The following STAT1 variants were observed in gnomAD, a reference collection of about 807,000 sequenced individuals.
STAT1 encodes the protein signal transducer and activator of transcription 1-alpha/beta.
In STAT1, 24 loss-of-function variants were observed where a neutral mutation model predicts 111.7. The observed-to-expected ratio is 0.21, with a 90% CI of 0.16 to 0.30. The LOEUF is 0.30. Among genes scored for constraint, STAT1 ranks in the 10% least tolerant of loss-of-function variants. The probability of loss-of-function intolerance (pLI) is 1.00; values close to 1 mark genes in which losing one functional copy is unlikely to be tolerated. For synonymous variants in STAT1, 332 were observed against 326.5 expected (o/e 1.02, Z -0.18); for missense variants, 351 against 911.9 (o/e 0.38, Z 7.92).
In STAT1 at chr2:190,979,175, C is replaced by T. The variant is rs1202029503; in HGVS notation, c.1728-174G>A. Among the ~76,000 whole-genome samples the T allele has an allele frequency of 1.3e-5, 2 of 152,172 alleles. No homozygotes were observed. The highest frequency in any genetic ancestry group is 4.1e-4 in the South Asian group (2 of 4,826). ...CACTTAAGGAAGCATTTCACTTATA[C>T]ATGTATATACTAAGGTTTTAAAAAA... On this transcript the variant is annotated intron_variant, in intron 20 of 24. Transcript: ENST00000361099. This position sits in a 1 kb window ranked among gnomAD's most constrained non-coding sequence, Gnocchi z 5.8.
chr2:190,985,984 C>T (rs1463156156), intron 14 of STAT1, among the ~76,000 whole-genome samples: 1 of 152,176 alleles, frequency 6.6e-6, no homozygotes, highest in African/African-American at 2.4e-5. Context: ...GACAGCTTCT[C>T]CCTCCCCTTT....
chr2:190,993,848 T>C lies in STAT1; in HGVS notation c.944+1213A>G, dbSNP rs1693593892. ...TTTTCCACTCAGTGACATTTATCTA[T>C]CTACTAAGTGTGTCTAGAGAGCCTA... On this transcript the variant is annotated intron_variant, in intron 10 of 24. Coordinates refer to ENST00000361099, the MANE Select transcript of STAT1 (RefSeq NM_007315.4). This position sits in a 1 kb window ranked among gnomAD's most constrained non-coding sequence, Gnocchi z 4.1. Among the ~76,000 whole-genome samples, 2 of 151,996 alleles carry C rather than the reference T, an allele frequency of 1.3e-5. No individual in the cohort carries two copies. Among genetic ancestry groups the C allele is most frequent in the Admixed American group, 6.6e-5 (1 of 15,246 alleles).
At position 190,971,336 on chromosome 2, in the gene STAT1, C is replaced by T. The variant is rs1339182334; in HGVS notation, c.2239-619G>A. Among the ~76,000 whole-genome samples, 9 of 152,284 alleles carry T rather than the reference C, an allele frequency of 5.9e-5. No homozygotes were observed. The East Asian group carries it at 7.7e-4, about 13-fold the overall frequency. On this transcript the variant is annotated intron_variant, in intron 24 of 24. Coordinates refer to ENST00000361099, the MANE Select transcript of STAT1 (RefSeq NM_007315.4). The surrounding 1 kb of genome is among the most constrained non-coding windows in gnomAD (Gnocchi z 4.1). ...TCCCCTTAGACCAGATGCTTTCAATCGAGGATGATTCTGTCCCCTGGCAAT... is the reference window on the plus strand; with the variant it reads ...TCCCCTTAGACCAGATGCTTTCAATTGAGGATGATTCTGTCCCCTGGCAAT...
Position 190,999,741 on chromosome 2 carries a change from A to G in STAT1, c.463-37T>C. The G allele has an allele frequency of 1.3e-6, 2 of 1,481,862 alleles. No homozygotes were observed. Among genetic ancestry groups the G allele is most frequent in the Non-Finnish European group, 1.9e-6 (2 of 1,061,136 alleles). The allele number at this position is 1,481,862 out of a possible 1,614,324, so 91.8% of individuals were successfully genotyped here. On this transcript the variant is annotated intron_variant, in intron 6 of 24. Coordinates refer to ENST00000361099, the MANE Select transcript of STAT1 (RefSeq NM_007315.4). This position sits in a 1 kb window ranked among gnomAD's most constrained non-coding sequence, Gnocchi z 4.1. Reference sequence around the variant, plus strand: ...GATGTAAACATGTTTTCTACTGATCAGCAACTTCCAAAGACTTTAGGCAAC... The same window carrying G: ...GATGTAAACATGTTTTCTACTGATCGGCAACTTCCAAAGACTTTAGGCAAC...
rs745892846 is a variant in STAT1, at chr2:190,983,938, C to A, written c.1348-198G>T. Among the ~76,000 whole-genome samples the A allele has an allele frequency of 3.5e-4, 53 of 151,692 alleles. No individual in the cohort carries two copies. The highest frequency in any genetic ancestry group is 4.0e-4 in the Non-Finnish European group (27 of 67,966). The stretch of plus-strand genomic sequence containing the variant: ...GTATCTTTCAGTTAAGAAATAAGTC[C>A]CTAAAAATAATAATAGCTACAATAA... On this transcript the variant is annotated intron_variant, in intron 16 of 24. Transcript: ENST00000361099. This position sits in a 1 kb window ranked among gnomAD's most constrained non-coding sequence, Gnocchi z 5.7.
In STAT1 at chr2:190,987,056, C is replaced by T; in HGVS notation, c.1110G>A (p.Glu370=). 1.2e-6 allele frequency: 2 copies of T among 1,609,694 alleles called. No homozygotes were observed. Among genetic ancestry groups the T allele is most frequent in the Non-Finnish European group, 1.7e-6 (2 of 1,176,892 alleles). The change falls in exon 13 of 25, where the codon GAG becomes GAA. Residue 370 remains glutamate (E), a synonymous_variant. Coordinates refer to ENST00000361099, the MANE Select transcript of STAT1 (RefSeq NM_007315.4). The surrounding 1 kb of genome is among the most constrained non-coding windows in gnomAD (Gnocchi z 4.0). ...VKVLFDKDVN[E]RNTVKGFRKF... ...TCACGTACCCTTTTACTGTATTTCT[C>T]TCATTCACATCTCTGCAAAAAAAAT... is the stretch of plus-strand genomic sequence containing the variant.
chr2:190,975,208 G>T lies in STAT1; in HGVS notation c.2136-276C>A. 1 of 471,410 alleles carries T rather than the reference G, an allele frequency of 2.1e-6. No homozygotes were observed. The highest frequency in any genetic ancestry group is 4.2e-6 in the Non-Finnish European group (1 of 239,354). 29.2% of individuals were successfully genotyped at this position (471,410 alleles called of 1,614,324 possible). On this transcript the variant is annotated intron_variant, in intron 23 of 24. Transcript: ENST00000361099. This position sits in a 1 kb window ranked among gnomAD's most constrained non-coding sequence, Gnocchi z 5.9. ...GCCGCTTCTGCCTGGGTAAGCCTAG[G>T]TGTGAGCATGTGCGGTGCACTACCC...
chr2:190,986,987 C>T lies in STAT1; in HGVS notation c.1128-40G>A. ...AAAGAAATGCTGAAAAGTCTTCCAA[C>T]TATTAAATAAATAAAAATATAGCAC... On this transcript the variant is annotated intron_variant, in intron 13 of 24. Transcript: ENST00000361099. The surrounding 1 kb of genome is among the most constrained non-coding windows in gnomAD (Gnocchi z 5.0). 1.9e-6 allele frequency: 3 copies of T among 1,611,526 alleles called. No homozygotes were observed. The highest frequency in any genetic ancestry group is 2.7e-5 in the African/African-American group (2 of 75,006).
In STAT1 at chr2:191,006,253, G is replaced by A. The variant is rs559584708; in HGVS notation, c.372+1310C>T. Among the ~76,000 whole-genome samples the A allele has an allele frequency of 2.0e-5, 3 of 152,338 alleles. No individual in the cohort carries two copies. The highest frequency in any genetic ancestry group is 4.1e-4 in the South Asian group (2 of 4,828). On this transcript the variant is annotated intron_variant, in intron 5 of 24. Coordinates refer to ENST00000361099, the MANE Select transcript of STAT1 (RefSeq NM_007315.4). The surrounding 1 kb of genome is among the most constrained non-coding windows in gnomAD (Gnocchi z 4.6). ...TGAAAATCTCCCAGGTATATGCCAG[G>A]TTAGAGACAGGCACACCTCTTTCAG...
Position 190,995,221 on chromosome 2 carries a change from T to TG in STAT1, c.786-3dup, listed in dbSNP as rs1693756632. The TG allele has an allele frequency of 1.2e-6, 2 of 1,613,664 alleles. No homozygotes were observed. Among genetic ancestry groups the TG allele is most frequent in the Non-Finnish European group, 1.7e-6 (2 of 1,179,902 alleles). ...AGACTCTCCGCAACTATAGTGAACC[T>TG]GGGAAGACACAAGACACAGATGTCT... On this transcript the variant is annotated splice_polypyrimidine_tract_variant and splice_region_variant and intron_variant, in intron 9 of 24. Coordinates refer to ENST00000361099, the MANE Select transcript of STAT1 (RefSeq NM_007315.4). The surrounding 1 kb of genome is among the most constrained non-coding windows in gnomAD (Gnocchi z 4.2).
intron 5 of STAT1, among the ~76,000 whole-genome samples, chr2:191,005,450 A>G (rs1694614738): frequency 6.6e-6 from 1 of 152,220 alleles, no homozygotes; most frequent in Admixed American, 6.5e-5. Context: ...TTTATCTTTT[A>G]CACACTATCT....
At chr2:191,002,391 G>A (rs550722115) in intron 5 of STAT1, among the ~76,000 whole-genome samples, 29 of 152,246 alleles carry the variant, frequency 1.9e-4, no homozygotes, top group African/African-American at 7.0e-4. Flanking sequence ...TCATAAGCCT[G>A]AACCCTTGAA....
In STAT1 at chr2:190,993,641, G is replaced by A; in HGVS notation, c.944+1420C>T. The A allele has an allele frequency of 1.8e-6, 1 of 548,006 alleles. No individual in the cohort carries two copies. The highest frequency in any genetic ancestry group is 1.6e-5 in the South Asian group (1 of 62,186). 33.9% of individuals were successfully genotyped at this position (548,006 alleles called of 1,614,324 possible). The stretch of plus-strand genomic sequence containing the variant: ...GCTGCCCTGACTCTCTGCACCACGG[G>A]TAACTGAAGGAAAGGAATGAGATAG... On this transcript the variant is annotated intron_variant, in intron 10 of 24. Transcript: ENST00000361099. This position sits in a 1 kb window ranked among gnomAD's most constrained non-coding sequence, Gnocchi z 4.1.
rs988521940 is a variant in STAT1, at chr2:190,973,689, A to AT, written c.2238+1140dup. ...TCCTTCTTACATGCAGAAAAGGTTC[A>AT]TTTTACACTTGCCAATAGGAATGAA... On this transcript the variant is annotated intron_variant, in intron 24 of 24. Coordinates refer to ENST00000361099, the MANE Select transcript of STAT1 (RefSeq NM_007315.4). This position sits in a 1 kb window ranked among gnomAD's most constrained non-coding sequence, Gnocchi z 4.4. 6.6e-6 allele frequency among the ~76,000 whole-genome samples: 1 copy of AT among 152,186 alleles called. No homozygotes were observed. Among genetic ancestry groups the AT allele is most frequent in the Non-Finnish European group, 1.5e-5 (1 of 68,030 alleles).
intron 3 of STAT1, among the ~76,000 whole-genome samples, chr2:191,009,502 T>C (rs1441478776): frequency 6.6e-6 from 1 of 152,252 alleles, no homozygotes; most frequent in African/African-American, 2.4e-5. Flanking sequence ...TCTTCATATT[T>C]CTAATCAATG....
Position 190,970,843 on chromosome 2 carries a change from T to C in STAT1, c.2239-126A>G. ...GAAGATACTTGCAATGGCAAATAAA[T>C]ACCGTGGAATAAGAGGGCCTTCAGC... is the stretch of plus-strand genomic sequence containing the variant. On this transcript the variant is annotated intron_variant, in intron 24 of 24. Transcript: ENST00000361099. This position sits in a 1 kb window ranked among gnomAD's most constrained non-coding sequence, Gnocchi z 5.4. The C allele has an allele frequency of 1.1e-6, 1 of 898,900 alleles. No individual in the cohort carries two copies. Among genetic ancestry groups the C allele is most frequent in the Non-Finnish European group, 1.8e-6 (1 of 555,284 alleles). 55.7% of individuals were successfully genotyped at this position (898,900 alleles called of 1,614,324 possible).
Position 190,999,257 on chromosome 2 carries a change from A to G in STAT1, c.541+369T>C, listed in dbSNP as rs1407935030. Among the ~76,000 whole-genome samples, 5 of 152,152 alleles carry G rather than the reference A, an allele frequency of 3.3e-5. No homozygotes were observed. Among genetic ancestry groups the G allele is most frequent in the Non-Finnish European group, 7.3e-5 (5 of 68,028 alleles). On this transcript the variant is annotated intron_variant, in intron 7 of 24. Coordinates refer to ENST00000361099, the MANE Select transcript of STAT1 (RefSeq NM_007315.4). This position sits in a 1 kb window ranked among gnomAD's most constrained non-coding sequence, Gnocchi z 4.1. ...TGTGTCAGTCAGTGGGCTAGGCGCA[A>G]TAAATATGGTGAGTAACACATAACC...
chr2:191,010,631 T>C (rs1302518990), intron 2 of STAT1, among the ~76,000 whole-genome samples: 2 of 141,806 alleles, frequency 1.4e-5, no homozygotes, highest in African/African-American at 5.4e-5. Context: ...TTAACTCAAA[T>C]ATTTTCAAAC....
At position 190,999,713 on chromosome 2, in the gene STAT1, A is replaced by C. The variant is rs757900421; in HGVS notation, c.463-9T>G. The C allele has an allele frequency of 6.9e-6, 11 of 1,602,254 alleles. No homozygotes were observed. The highest frequency in any genetic ancestry group is 9.4e-6 in the Non-Finnish European group (11 of 1,169,530). ...ATTTCATGCTCTATACACTACAAAC[A>C]AAGATGTAAACATGTTTTCTACTGA... On this transcript the variant is annotated splice_polypyrimidine_tract_variant and intron_variant, in intron 6 of 24. Coordinates refer to ENST00000361099, the MANE Select transcript of STAT1 (RefSeq NM_007315.4). This position sits in a 1 kb window ranked among gnomAD's most constrained non-coding sequence, Gnocchi z 4.1.
Sources: gnomAD v4.1 joint callset for allele counts (sites outside exome capture counted in the v4.1 genomes callset) on GRCh38, gnomAD v4.1.1 for gene constraint, Gnocchi (gnomAD v3.1) non-coding constraint, MANE v1.5 for transcripts, NCBI Gene and HGNC (gene_info 2026-07-23, HGNC 2026-07-21) for gene names.